The following NFIB variants were observed in gnomAD, a reference collection of about 807,000 sequenced individuals.
The protein encoded by NFIB is nuclear factor 1 B-type.
In NFIB, 11 loss-of-function variants were observed where a neutral mutation model predicts 61.5. That is an observed-to-expected ratio of 0.18 (90% CI 0.11 to 0.30). The LOEUF (loss-of-function observed/expected upper bound fraction) is 0.30, where lower values mean the gene tolerates loss of function less well. Ranked by LOEUF, NFIB falls within the 10% of genes least tolerant of loss-of-function variation. The pLI is 1.00. For synonymous variants in NFIB, 260 were observed against 216.5 expected, an observed-to-expected ratio of 1.20 and a Z score of -1.76; for missense variants, 471 against 608.9, an observed-to-expected ratio of 0.77 and a Z score of 2.38.
chr9:14,177,187 A>G (rs1251611011), intron 3 of NFIB, among the ~76,000 whole-genome samples: 2 of 152,172 alleles, frequency 1.3e-5, no homozygotes, highest in Non-Finnish European at 2.9e-5. Context: ...CAAAATCTCA[A>G]TTTTGGAGAT....
intron 2 of NFIB, among the ~76,000 whole-genome samples, chr9:14,284,109 G>A (rs796545344): frequency 6.6e-5 from 10 of 152,168 alleles, no homozygotes; most frequent in Admixed American, 2.0e-4. Context: ...ACTAGCTTTC[G>A]GATTGGAGAG....
At chr9:14,348,307 C>A (rs547091301) in intron 1 of NFIB, among the ~76,000 whole-genome samples, 53 of 150,540 alleles carry the variant, frequency 3.5e-4, no homozygotes, top group Middle Eastern at 6.9e-3. Flanking sequence ...GCTCTAAAGC[C>A]GAGTTGGGTT....
chr9:14,411,964 C>T, the NFIB span, among the ~76,000 whole-genome samples: 15 of 152,286 alleles, frequency 9.8e-5, no homozygotes, highest in South Asian at 3.1e-3. Flanking sequence ...AGAACAGAGG[C>T]CAACAGCCAC....
chr9:14,451,575 A>G, the NFIB span, among the ~76,000 whole-genome samples: 2 of 152,364 alleles, frequency 1.3e-5, no homozygotes, highest in South Asian at 4.1e-4. Flanking sequence ...CAGGCCGAAC[A>G]TAAGTTTGAC....
chr9:14,232,504 T>C (rs1587805140), intron 2 of NFIB, among the ~76,000 whole-genome samples: 1 of 152,064 alleles, frequency 6.6e-6, no homozygotes, highest in Non-Finnish European at 1.5e-5. Flanking sequence ...AAAGCAAAAA[T>C]TAAATAAACA....
At chr9:14,505,081 G>T in the NFIB span, among the ~76,000 whole-genome samples, 1 of 152,186 alleles carries the variant, frequency 6.6e-6, no homozygotes, top group South Asian at 2.1e-4. Context: ...TGCATCTATT[G>T]AGGTGATCAC....
chr9:14,475,124 CCACAA>C, the NFIB span, among the ~76,000 whole-genome samples: 4 of 152,216 alleles, frequency 2.6e-5, no homozygotes, highest in Non-Finnish European at 5.9e-5. Flanking sequence ...CTGAAATTAA[CCACAA>C]CAGTGCCCAA....
At chr9:14,142,817 G>A (rs1230238096) in intron 6 of NFIB, among the ~76,000 whole-genome samples, 1 of 152,114 alleles carries the variant, frequency 6.6e-6, no homozygotes, top group Non-Finnish European at 1.5e-5. Context: ...TTAATAGAGA[G>A]AGAAGCAGTC....
chr9:14,527,330 G>A, the NFIB span, among the ~76,000 whole-genome samples: 24 of 152,106 alleles, frequency 1.6e-4, no homozygotes, highest in African/African-American at 5.3e-4. Context: ...ACTAGTATTC[G>A]ATAAACCATT....
At position 14,212,580 on chromosome 9, in the gene NFIB, C is replaced by G. The variant is rs77889802; in HGVS notation, c.563-32800G>C. On this transcript the variant is annotated intron_variant, in intron 2 of 10. Coordinates refer to ENST00000380953, the MANE Select transcript of NFIB (RefSeq NM_001190737.2). ...CCATATTGTTTGAATGGGTTCACCA[C>G]TGAGTAATAGTGTGAATAATTTAGG... is the stretch of plus-strand genomic sequence containing the variant. Among the ~76,000 whole-genome samples the G allele has an allele frequency of 5.3e-5, 8 of 151,748 alleles. No individual in the cohort carries two copies. In the East Asian group the frequency reaches 1.5e-3, roughly 29 times the overall value.
At chr9:14,113,897 A>G (rs2037749521) in intron 9 of NFIB, among the ~76,000 whole-genome samples, 1 of 152,036 alleles carries the variant, frequency 6.6e-6, no homozygotes. Flanking sequence ...AATTTTTCAC[A>G]CACACAAAAA....
chr9:14,499,758 T>G, the NFIB span, among the ~76,000 whole-genome samples: 1 of 152,012 alleles, frequency 6.6e-6, no homozygotes, highest in Non-Finnish European at 1.5e-5. Context: ...CTGCATTCAC[T>G]TCTTCTGCTC....
At chr9:14,338,325 C>T (rs1056658140) in intron 1 of NFIB, among the ~76,000 whole-genome samples, 4 of 151,768 alleles carry the variant, frequency 2.6e-5, no homozygotes, top group Admixed American at 6.6e-5. Context: ...ACCCGGGAGG[C>T]GGAGGTTGCA....
chr9:14,204,484 G>A (rs187528327), intron 2 of NFIB: 23 of 1,042,636 alleles, frequency 2.2e-5, no homozygotes, highest in Admixed American at 8.6e-5. Context: ...TGCCTCCTGC[G>A]ATTAACCAGT....
At chr9:14,135,512 T>G (rs1205651090) in intron 6 of NFIB, among the ~76,000 whole-genome samples, 2 of 152,224 alleles carry the variant, frequency 1.3e-5, no homozygotes, top group Admixed American at 6.5e-5. Flanking sequence ...ATTTTATGAT[T>G]GTGTGGCAAA....
chr9:14,523,219 A>C, the NFIB span, among the ~76,000 whole-genome samples: 1 of 152,108 alleles, frequency 6.6e-6, no homozygotes. Flanking sequence ...AGAGTTTATA[A>C]TACCTGAGCA....
At chr9:14,439,611 G>A in the NFIB span, among the ~76,000 whole-genome samples, 1 of 152,230 alleles carries the variant, frequency 6.6e-6, no homozygotes, top group African/African-American at 2.4e-5. Flanking sequence ...AGAAAGAGGG[G>A]GTGCCAGGAG....
intron 2 of NFIB, among the ~76,000 whole-genome samples, chr9:14,240,319 A>G (rs1018671250): frequency 6.6e-6 from 1 of 152,032 alleles, no homozygotes; most frequent in Non-Finnish European, 1.5e-5. Context: ...ATCCTGCCAT[A>G]TATCTTTATA....
At chr9:14,434,276 T>C in the NFIB span, among the ~76,000 whole-genome samples, 1 of 152,186 alleles carries the variant, frequency 6.6e-6, no homozygotes, top group Non-Finnish European at 1.5e-5. Flanking sequence ...GTGATGAAGG[T>C]AACAAGACTA....
Sources: gnomAD v4.1 joint callset for allele counts (sites outside exome capture counted in the v4.1 genomes callset) on GRCh38, gnomAD v4.1.1 for gene constraint, MANE v1.5 for transcripts, NCBI Gene and HGNC (gene_info 2026-07-23, HGNC 2026-07-21) for gene names.